The following GAPVD1 variants were observed in gnomAD, a reference collection of about 807,000 sequenced individuals.
The protein encoded by GAPVD1 is GTPase activating protein and VPS9 domains 1.
In GAPVD1, 35 loss-of-function variants were observed where a neutral mutation model predicts 155.5. That is an observed-to-expected ratio of 0.23 (90% CI 0.17 to 0.30). The LOEUF is 0.30. Among genes scored for constraint, GAPVD1 ranks in the 10% least tolerant of loss-of-function variants. The pLI, the probability that GAPVD1 is intolerant of heterozygous loss-of-function variation, is 1.00. For missense variants in GAPVD1, 1,429 were observed against 1,775.7 expected, an observed-to-expected ratio of 0.80 and a Z score of 3.51; for synonymous variants, 636 against 619.7, an observed-to-expected ratio of 1.03 and a Z score of -0.39.
chr9:125,355,889 A>C (rs368902664), intron 25 of GAPVD1, 32 bp downstream of exon 25: 55 of 1,161,064 alleles, frequency 4.7e-5, no homozygotes, highest in Non-Finnish European at 3.8e-5. Context: ...GCCTATGTGG[A>C]ACTACATAGG....
At chr9:125,331,825 T>C in intron 13 of GAPVD1, 101 bp from the exon 14 acceptor site, 1 of 1,030,364 alleles carries the variant, frequency 9.7e-7, no homozygotes, top group Admixed American at 1.8e-5. Flanking sequence ...GCACTGATTT[T>C]ATTCATGCCC....
intron 23 of GAPVD1, among the ~76,000 whole-genome samples, chr9:125,354,122 C>A (rs1035153748): frequency 6.6e-6 from 1 of 152,150 alleles, no homozygotes; most frequent in Non-Finnish European, 1.5e-5. Flanking sequence ...GTCCCCTGCT[C>A]ATGATTATGG....
chr9:125,313,522 C>T (rs1228262595), intron 9 of GAPVD1, among the ~76,000 whole-genome samples: 1 of 152,052 alleles, frequency 6.6e-6, no homozygotes, highest in Non-Finnish European at 1.5e-5. Context: ...CCAGGATGGT[C>T]TCGATCTCCT....
At chr9:125,346,593 A>G in intron 19 of GAPVD1, 2 of 568,996 alleles carry the variant, frequency 3.5e-6, no homozygotes, top group Middle Eastern at 3.2e-4. Context: ...TCTGGTGATG[A>G]TGAGAAGGTG....
chr9:125,302,999 A>G (rs771510822), intron 5 of GAPVD1, among the ~76,000 whole-genome samples, 173 bp downstream of exon 5: 2 of 152,160 alleles, frequency 1.3e-5, no homozygotes, highest in Non-Finnish European at 2.9e-5. Context: ...ACTGGGATTT[A>G]AAATTATTGC....
rs887637092 is a variant in GAPVD1, at chr9:125,362,854, A to G, written c.*108A>G. On this transcript the variant is annotated 3_prime_UTR_variant, in exon 28 of 28. Transcript: ENST00000297933. ...TGAAGATTGTTTTGTATGATACTGCACAGCATCAGGCATTTTAAAGCAGAT... is the reference window on the plus strand; with the variant it reads ...TGAAGATTGTTTTGTATGATACTGCGCAGCATCAGGCATTTTAAAGCAGAT... 8.9e-6 allele frequency: 8 copies of G among 900,202 alleles called. No homozygotes were observed. Among genetic ancestry groups the G allele is most frequent in the Non-Finnish European group, 1.3e-5 (8 of 599,538 alleles). 55.8% of individuals were successfully genotyped at this position (900,202 alleles called of 1,614,324 possible).
At chr9:125,359,340 TTG>T in intron 25 of GAPVD1, 78 bp from the exon 26 acceptor site, 1 of 822,088 alleles carries the variant, frequency 1.2e-6, no homozygotes, top group South Asian at 1.4e-5. Context: ...TTCACGTGTT[TTG>T]TAAAAATCAA....
chr9:125,311,378 T>C (rs1187455228), intron 8 of GAPVD1, among the ~76,000 whole-genome samples: 1 of 152,160 alleles, frequency 6.6e-6, no homozygotes, highest in Non-Finnish European at 1.5e-5. Flanking sequence ...TCCCAGCACT[T>C]GGGGAAGCCA....
At chr9:125,269,563 G>A (rs1312755073) in intron 2 of GAPVD1, among the ~76,000 whole-genome samples, 1 of 151,004 alleles carries the variant, frequency 6.6e-6, no homozygotes, top group Non-Finnish European at 1.5e-5. Context: ...GAGTAGCTGG[G>A]ATTACAGGTG....
intron 15 of GAPVD1, among the ~76,000 whole-genome samples, chr9:125,335,890 T>A (rs1385047861): frequency 6.6e-6 from 1 of 151,866 alleles, no homozygotes; most frequent in African/African-American, 2.4e-5. Flanking sequence ...TGGTAGCTCA[T>A]GCCTGTAATC....
intron 1 of GAPVD1, among the ~76,000 whole-genome samples, chr9:125,267,863 T>G (rs1834224923): frequency 6.6e-6 from 1 of 152,062 alleles, no homozygotes; most frequent in Admixed American, 6.6e-5. Context: ...CTGCTAGAAT[T>G]TAAAATAAAC....
chr9:125,265,175 T>C (rs867651625), intron 1 of GAPVD1, among the ~76,000 whole-genome samples: 41 of 152,370 alleles, frequency 2.7e-4, no homozygotes, highest in South Asian at 1.9e-3. Flanking sequence ...AGGGAAAGTC[T>C]GTAAGTGAAG....
At chr9:125,342,386 T>G in intron 19 of GAPVD1, 87 bp downstream of exon 19, 2 of 786,510 alleles carry the variant, frequency 2.5e-6, no homozygotes, top group South Asian at 2.8e-5. Flanking sequence ...AAGCGTTGCC[T>G]TTCTAGAAGA....
chr9:125,311,836 C>T (rs1423839747), intron 8 of GAPVD1, among the ~76,000 whole-genome samples: 1 of 151,826 alleles, frequency 6.6e-6, no homozygotes, highest in East Asian at 1.9e-4. Context: ...TCTCCTGTCT[C>T]AGCCCCCCGA....
chr9:125,345,650 T>C (rs1848421247), intron 19 of GAPVD1, among the ~76,000 whole-genome samples: 1 of 152,226 alleles, frequency 6.6e-6, no homozygotes, highest in African/African-American at 2.4e-5. Flanking sequence ...ATGAGCATGC[T>C]ACTTAAGCTG....
chr9:125,329,268 A>AT (rs1215356304), intron 12 of GAPVD1, among the ~76,000 whole-genome samples: 1 of 152,126 alleles, frequency 6.6e-6, no homozygotes, highest in Non-Finnish European at 1.5e-5. Context: ...GAAGATGTGT[A>AT]TTTTCCTGTG....
In GAPVD1 at chr9:125,299,069, C is replaced by T; in HGVS notation, c.148C>T (p.Gln50Ter). Reference protein sequence around the residue: ...KLYRTAWIAKQQRINLDRLII... With the variant: ...KLYRTAWIAK ...GTATCGTACAGCATGGATTGCGAAG[C>T]AACAGAGAATCAATTTGGATCGGCT... Residue 50 changes from glutamine to a stop codon, truncating the protein, a stop_gained, in exon 4 of 28, where the codon CAA (glutamine) becomes TAA (stop). Transcript: ENST00000297933. LOFTEE classifies it high-confidence loss of function. 1 of 1,602,766 alleles carries T rather than the reference C, an allele frequency of 6.2e-7. No homozygotes were observed. Among genetic ancestry groups the T allele is most frequent in the Non-Finnish European group, 8.5e-7 (1 of 1,175,818 alleles).
chr9:125,306,320 G>A (rs951729376), intron 6 of GAPVD1, among the ~76,000 whole-genome samples: 13 of 151,912 alleles, frequency 8.6e-5, no homozygotes, highest in Non-Finnish European at 1.9e-4. Flanking sequence ...GAGCCACCAC[G>A]CCTGGCCCCC....
rs1445478791 is a variant in GAPVD1, at chr9:125,307,446, G to A, written c.1150G>A (p.Gly384Arg). The A allele has an allele frequency of 6.2e-7, 1 of 1,609,730 alleles. No individual in the cohort carries two copies. The highest frequency in any genetic ancestry group is 8.5e-7 in the Non-Finnish European group (1 of 1,177,606). The change falls in exon 7 of 28, where the codon GGG becomes AGG. Residue 384 changes from glycine to arginine, a missense_variant. Gly to Arg is a moderately radical substitution (Grantham distance 125). This residue lies in a region of GAPVD1 where 628 missense variants were observed against 733.4 expected (regional missense o/e 0.86). Coordinates refer to ENST00000297933, the MANE Select transcript of GAPVD1 (RefSeq NM_001282680.3). The part of the protein sequence containing the change: ...CVAAFLDVVI[G>R]GRAVETPPLS... The stretch of plus-strand genomic sequence containing the variant: ...TGCCGCTTTCCTTGATGTTGTGATT[G>A]GGGGCCGTGCAGTGGAGACCCCTCC...
Sources: allele counts gnomAD v4.1 joint callset (sites outside exome capture counted in the v4.1 genomes callset), GRCh38; gene constraint gnomAD v4.1.1; regional missense constraint gnomAD v4.1.1; transcripts MANE v1.5; gene names NCBI Gene and HGNC (gene_info 2026-07-23, HGNC 2026-07-21).